MROH1: variants seen among roughly 807,000 people sequenced by gnomAD.
MROH1 encodes the protein maestro heat-like repeat-containing protein family member 1.
In MROH1, 117 loss-of-function variants were observed where a neutral mutation model predicts 116.5. The ratio of observed to expected loss-of-function variants is 1.00; its 90% CI spans 0.86 to 1.17. MROH1 has a LOEUF of 1.17. Among genes scored for constraint, MROH1 ranks in the 50% most tolerant of loss-of-function variants. The pLI, the probability that MROH1 is intolerant of heterozygous loss-of-function variation, is 0.00. For missense variants in MROH1, 1,873 were observed against 1,338.5 expected (o/e 1.40, Z -6.23); for synonymous variants, 921 against 583.9 (o/e 1.58, Z -8.32).
At chr8:144,240,380 A>C (rs1036016703) in intron 19 of MROH1, among the ~76,000 whole-genome samples, 190 bp from the exon 20 acceptor site, 2,135 of 152,248 alleles carry the variant, frequency 0.014, 38 homozygotes, top group African/African-American at 0.047. Flanking sequence ...CGTCGGGGGC[A>C]ACCTCTCACC....
intron 33 of MROH1, among the ~76,000 whole-genome samples, chr8:144,253,277 T>G (rs1434090232): frequency 6.6e-6 from 1 of 152,174 alleles, no homozygotes; most frequent in Non-Finnish European, 1.5e-5. Context: ...CACGTGAAAA[T>G]GATAGGAAAT....
At position 144,174,868 on chromosome 8, in the gene MROH1, C is replaced by T. The variant is rs558998492; in HGVS notation, c.169-4587C>T. 8.1e-6 allele frequency: 8 copies of T among 985,378 alleles called. No homozygotes were observed. In the East Asian group the frequency reaches 9.1e-4, roughly 112 times the overall value. 61.0% of individuals were successfully genotyped at this position (985,378 alleles called of 1,614,324 possible). A position where few individuals can be genotyped will look rare whatever the true frequency, so the allele number is the denominator to read the frequency against. On this transcript the variant is annotated intron_variant, in intron 4 of 43. Transcript: ENST00000326134. Reference sequence around the variant, plus strand: ...AGTTGCATAACCCATTGCAGACTTGCTGAGTCAGCCTGTCACCCTGCACTG... The same window carrying T: ...AGTTGCATAACCCATTGCAGACTTGTTGAGTCAGCCTGTCACCCTGCACTG...
intron 7 of MROH1, among the ~76,000 whole-genome samples, chr8:144,189,675 C>G (rs1828072130): frequency 6.6e-6 from 1 of 152,232 alleles, no homozygotes; most frequent in Non-Finnish European, 1.5e-5. Flanking sequence ...GTGGGAGGGC[C>G]TCATGCTGAC....
At chr8:144,248,784 G>A (rs1214790348) in intron 31 of MROH1, 93 bp from the exon 32 acceptor site, 12 of 719,044 alleles carry the variant, frequency 1.7e-5, no homozygotes, top group South Asian at 3.0e-5. Flanking sequence ...GTGGCTTCCC[G>A]CCCTAACGCG....
chr8:144,210,005 A>C (rs1220147204), intron 12 of MROH1, among the ~76,000 whole-genome samples: 2 of 151,890 alleles, frequency 1.3e-5, no homozygotes, highest in Non-Finnish European at 2.9e-5. Context: ...ATCTACCACC[A>C]GGTCTTTTGG....
Position 144,255,569 on chromosome 8 carries a change from C to A in MROH1, c.3655C>A (p.Leu1219Ile), listed in dbSNP as rs1843590473. ...TPAAGPAVLE[L>I]YPQLFVVLLL... ...TGCAGCGGGGCCCGCGGTGCTCGAG[C>A]TCTACCCCCAGCTGTTTGTGGTGCT... Residue 1219 changes from leucine (L) to isoleucine (I), a missense_variant, in exon 35 of 44, where the codon CTC becomes ATC. Transcript: ENST00000326134. 1 of 779,220 alleles carries A rather than the reference C, an allele frequency of 1.3e-6. No homozygotes were observed. Among genetic ancestry groups the A allele is most frequent in the Non-Finnish European group, 2.4e-6 (1 of 417,742 alleles). 48.3% of individuals were successfully genotyped at this position (779,220 alleles called of 1,614,324 possible).
At chr8:144,153,799 C>T (rs1032961273) in intron 1 of MROH1, among the ~76,000 whole-genome samples, 30 of 152,194 alleles carry the variant, frequency 2.0e-4, no homozygotes, top group African/African-American at 6.5e-4. Flanking sequence ...TTTGCTCCAT[C>T]GCCCAGGCTG....
chr8:144,225,142 G>A (rs1837554761), intron 14 of MROH1, among the ~76,000 whole-genome samples: 1 of 152,040 alleles, frequency 6.6e-6, no homozygotes, highest in South Asian at 2.1e-4. Context: ...GGGCTCAAGT[G>A]ATCTTCCTGC....
At chr8:144,216,366 C>T (rs1470163188) in intron 12 of MROH1, among the ~76,000 whole-genome samples, 4 of 150,832 alleles carry the variant, frequency 2.7e-5, no homozygotes, top group African/African-American at 9.8e-5. Context: ...TCCAGCTACT[C>T]AGGAGGCTGA....
chr8:144,179,354 A>C, intron 4 of MROH1, 101 bp from the exon 5 acceptor site: 6 of 1,508,450 alleles, frequency 4.0e-6, no homozygotes, highest in South Asian at 1.2e-5. Context: ...CTTGAGGCAG[A>C]GAGATTTGTG....
chr8:144,233,620 T>C (rs1839408470), intron 14 of MROH1, among the ~76,000 whole-genome samples: 1 of 152,204 alleles, frequency 6.6e-6, no homozygotes, highest in Admixed American at 6.5e-5. Flanking sequence ...TGTGTCTGGC[T>C]TCTCCCACTC....
intron 4 of MROH1, among the ~76,000 whole-genome samples, chr8:144,172,624 A>T (rs540814955): frequency 5.9e-5 from 9 of 151,932 alleles, no homozygotes; most frequent in South Asian, 2.1e-4. Context: ...TTGGTCAGGC[A>T]GGTCTCGAAC....
In MROH1 at chr8:144,245,185, A is replaced by C. The variant is rs1841679526; in HGVS notation, c.2796A>C (p.Arg932Ser). 3 of 779,246 alleles carry C rather than the reference A, an allele frequency of 3.8e-6. No homozygotes were observed. Among genetic ancestry groups the C allele is most frequent in the Non-Finnish European group, 7.2e-6 (3 of 417,768 alleles). The allele number at this position is 779,246 out of a possible 1,614,324, so 48.3% of individuals were successfully genotyped here. A position where few individuals can be genotyped will look rare whatever the true frequency, so the allele number is the denominator to read the frequency against. ...EHLSPWIKSPRGHERARALGL... is the reference protein window; with the variant it reads ...EHLSPWIKSPSGHERARALGL... ...TGAGCCCATGGATCAAGTCCCCAAG[A>C]GGTCACGAGCGGGCGCGGGCCCTGG... Residue 932 changes from arginine to serine, a missense_variant, in exon 29 of 44, where the codon AGA (arginine) becomes AGC (serine). Transcript: ENST00000326134.
intron 8 of MROH1, among the ~76,000 whole-genome samples, chr8:144,191,505 T>C (rs1256939721): frequency 6.6e-6 from 1 of 152,168 alleles, no homozygotes; most frequent in African/African-American, 2.4e-5. Flanking sequence ...ACTGAGCATC[T>C]CCTACAAACC....
intron 7 of MROH1, among the ~76,000 whole-genome samples, chr8:144,186,959 G>A (rs781465446): frequency 1.2e-4 from 19 of 152,144 alleles, no homozygotes; most frequent in Non-Finnish European, 2.1e-4. Context: ...TTAGCCGGGT[G>A]TGGCAGTGTG....
intron 3 of MROH1, among the ~76,000 whole-genome samples, chr8:144,166,284 T>C (rs1820809289): frequency 6.6e-6 from 1 of 152,158 alleles, no homozygotes. Context: ...CATATGGATT[T>C]TGGAGGGACG....
At chr8:144,234,197 G>C (rs1839533640) in intron 14 of MROH1, among the ~76,000 whole-genome samples, 1 of 152,228 alleles carries the variant, frequency 6.6e-6, no homozygotes, top group South Asian at 2.1e-4. Context: ...TTTTAGTAGA[G>C]ACGGGGTTTC....
At chr8:144,254,700 G>GC in intron 33 of MROH1, 113 bp from the exon 34 acceptor site, 1 of 627,480 alleles carries the variant, frequency 1.6e-6, no homozygotes, top group Non-Finnish European at 2.9e-6. Flanking sequence ...CTGCAGCTGA[G>GC]CCTGGTGGCT....
chr8:144,191,888 G>A lies in MROH1; in HGVS notation c.855+33G>A, dbSNP rs113393608. ...CAGGCAGGGCAGGTCTACTGTCCCCGAGGACCCCTCCAATCAGACTCCCCG... is the reference window on the plus strand; with the variant it reads ...CAGGCAGGGCAGGTCTACTGTCCCCAAGGACCCCTCCAATCAGACTCCCCG... On this transcript the variant is annotated intron_variant, in intron 9 of 43. Transcript: ENST00000326134. 5,105 of 1,611,176 alleles carry A rather than the reference G, an allele frequency of 3.2e-3. 89 individuals carry two copies. In the African/African-American group the frequency reaches 0.048, roughly 15 times the overall value.
Sources: gnomAD v4.1 joint callset for allele counts (sites outside exome capture counted in the v4.1 genomes callset) on GRCh38, gnomAD v4.1.1 for gene constraint, MANE v1.5 for transcripts, NCBI Gene and HGNC (gene_info 2026-07-23, HGNC 2026-07-21) for gene names.